The following CREB5 variants were observed in gnomAD, a reference collection of about 807,000 sequenced individuals.
The protein encoded by CREB5 is cyclic AMP-responsive element-binding protein 5.
A neutral mutation model predicts 57.1 loss-of-function variants in CREB5; 19 were observed. That is an observed-to-expected ratio of 0.33 (90% CI 0.23 to 0.49). The LOEUF is 0.49. CREB5 is among the 20% of genes least tolerant of loss of function. The pLI is 0.99. For missense variants in CREB5, 579 were observed against 671.6 expected (o/e 0.86, Z 1.52); for synonymous variants, 238 against 238.3 (o/e 1.00, Z 0.01).
intron 1 of CREB5, among the ~76,000 whole-genome samples, chr7:28,374,197 A>G (rs1786776165): frequency 1.3e-5 from 2 of 152,236 alleles, no homozygotes; most frequent in South Asian, 4.1e-4. Context: ...GGCATGGCTA[A>G]AATCAAACAG....
intron 5 of CREB5, among the ~76,000 whole-genome samples, chr7:28,702,752 G>T (rs994534743): frequency 6.6e-6 from 1 of 152,284 alleles, no homozygotes; most frequent in African/African-American, 2.4e-5. Flanking sequence ...AACCACAGGG[G>T]CCTATGTGAC....
chr7:28,721,918 A>G (rs184484104), intron 6 of CREB5, among the ~76,000 whole-genome samples: 3 of 152,230 alleles, frequency 2.0e-5, no homozygotes, highest in Admixed American at 2.0e-4. Context: ...AATCCTTTAC[A>G]TGGCTATTTT....
At chr7:28,350,553 T>A (rs1420374185) in intron 1 of CREB5, among the ~76,000 whole-genome samples, 3 of 151,654 alleles carry the variant, frequency 2.0e-5, no homozygotes, top group Non-Finnish European at 4.4e-5. Context: ...CTAGTAGCTG[T>A]TGAGATGGAA....
At chr7:28,551,491 C>G (rs548777313) in intron 4 of CREB5, among the ~76,000 whole-genome samples, 2 of 152,282 alleles carry the variant, frequency 1.3e-5, no homozygotes, top group African/African-American at 4.8e-5. Flanking sequence ...GGTGACTAAC[C>G]CTTTTTGTGT....
intron 1 of CREB5, among the ~76,000 whole-genome samples, chr7:28,347,503 T>C (rs1291212718): frequency 1.3e-5 from 2 of 152,220 alleles, no homozygotes; most frequent in South Asian, 2.1e-4. Flanking sequence ...TATTAAAGCA[T>C]ATTTCGATGC....
intron 5 of CREB5, among the ~76,000 whole-genome samples, chr7:28,692,724 G>A (rs950729506): frequency 6.6e-5 from 10 of 152,092 alleles, no homozygotes; most frequent in South Asian, 2.1e-4. Flanking sequence ...AGCCGAGATC[G>A]CACCACTGCA....
chr7:28,522,936 A>T (rs1793274343), intron 4 of CREB5, among the ~76,000 whole-genome samples: 1 of 152,216 alleles, frequency 6.6e-6, no homozygotes, highest in Admixed American at 6.5e-5. Context: ...CAAGCATGGG[A>T]ATCCTCTCAT....
At chr7:28,409,585 C>T (rs556467186), upstream of CREB5, 4 of 215,712 alleles carry the variant, frequency 1.9e-5, no homozygotes, top group South Asian at 2.1e-4. The surrounding 1 kb of genome is among the most constrained non-coding windows in gnomAD (Gnocchi z 4.4). Flanking sequence ...GGTCACAGGG[C>T]AAGGAGTAGG....
intron 1 of CREB5, among the ~76,000 whole-genome samples, chr7:28,464,408 G>A (rs1299426943): frequency 3.3e-5 from 5 of 151,268 alleles, no homozygotes; most frequent in South Asian, 2.1e-4. Flanking sequence ...AAAAATTTTC[G>A]AACTATTGGT....
intron 5 of CREB5, among the ~76,000 whole-genome samples, chr7:28,598,682 C>T (rs1461445555): frequency 6.6e-6 from 1 of 152,158 alleles, no homozygotes; most frequent in Non-Finnish European, 1.5e-5. Context: ...ATCTTTGCCT[C>T]ACTCTATCCA....
chr7:28,679,636 T>C (rs9969149), intron 5 of CREB5, among the ~76,000 whole-genome samples: 83,579 of 152,006 alleles, frequency 0.55, 23,518 homozygotes, highest in East Asian at 0.65. Flanking sequence ...TGGAAAATCT[T>C]CCTGGTCAGA....
At chr7:28,774,190 T>C (rs1806496292) in intron 7 of CREB5, among the ~76,000 whole-genome samples, 1 of 152,246 alleles carries the variant, frequency 6.6e-6, no homozygotes, top group Non-Finnish European at 1.5e-5. Flanking sequence ...TTCTGTTTTC[T>C]ATCAATAAGT....
intron 7 of CREB5, among the ~76,000 whole-genome samples, chr7:28,788,824 C>T (rs1360833366): frequency 1.5e-5 from 2 of 137,686 alleles, no homozygotes; most frequent in Non-Finnish European, 1.5e-5. Flanking sequence ...AAACCCTCTT[C>T]TGGTTTAAAA....
intron 7 of CREB5, among the ~76,000 whole-genome samples, chr7:28,789,205 G>A (rs1158878833): frequency 6.6e-6 from 1 of 152,194 alleles, no homozygotes; most frequent in Non-Finnish European, 1.5e-5. Context: ...TTTCATGCTT[G>A]TTGTTTTATA....
Position 28,448,739 on chromosome 7 carries a change from G to T in CREB5, c.3+35822G>T, listed in dbSNP as rs147854572. ...CACAGGAGGAGGAATTGACGAGCTA[G>T]CTGGGTTTTCAGGTTTTCAGTGTAA... On this transcript the variant is annotated intron_variant, in intron 1 of 10. Transcript: ENST00000357727. Among the ~76,000 whole-genome samples, 412 of 152,374 alleles carry T rather than the reference G, an allele frequency of 2.7e-3. 3 individuals are homozygous for T. In the Middle Eastern group the frequency reaches 0.037, roughly 14 times the overall value.
intron 5 of CREB5, among the ~76,000 whole-genome samples, chr7:28,717,677 C>G (rs1802777092): frequency 6.6e-6 from 1 of 152,164 alleles, no homozygotes; most frequent in Non-Finnish European, 1.5e-5. Flanking sequence ...CTCCCTCGTT[C>G]TCTCTCTCTT....
At chr7:28,653,976 A>G (rs41333) in intron 5 of CREB5, among the ~76,000 whole-genome samples, 78,904 of 152,052 alleles carry the variant, frequency 0.52, 23,359 homozygotes, top group African/African-American at 0.82. Context: ...GCTGACAGCT[A>G]CCTGTCACTT....
intron 5 of CREB5, among the ~76,000 whole-genome samples, chr7:28,685,312 C>T (rs1462961587): frequency 6.6e-6 from 1 of 152,118 alleles, no homozygotes; most frequent in African/African-American, 2.4e-5. Flanking sequence ...GACAGGGTGA[C>T]CCATAGGGGC....
intron 1 of CREB5, among the ~76,000 whole-genome samples, chr7:28,333,143 A>G (rs1001505385): frequency 3.9e-5 from 6 of 152,234 alleles, no homozygotes; most frequent in African/African-American, 1.4e-4. Flanking sequence ...TGTTTAAATA[A>G]TTGATTATAT....
Sources: allele counts gnomAD v4.1 joint callset (sites outside exome capture counted in the v4.1 genomes callset), GRCh38; gene constraint gnomAD v4.1.1; non-coding constraint Gnocchi (gnomAD v3.1); transcripts MANE v1.5; gene names NCBI Gene and HGNC (gene_info 2026-07-23, HGNC 2026-07-21).